The following ATXN7 variants were observed in gnomAD, a reference collection of about 807,000 sequenced individuals.
The protein encoded by ATXN7 is ataxin 7.
Under a neutral mutation model 70.5 loss-of-function variants are expected in ATXN7, and 12 were observed. The observed-to-expected ratio is 0.17, with a 90% CI of 0.11 to 0.28. ATXN7 has a LOEUF of 0.28. Ranked by LOEUF, ATXN7 falls within the 10% of genes least tolerant of loss-of-function variation. The pLI is 1.00. For missense variants in ATXN7, 1,256 were observed against 1,131.7 expected (o/e 1.11, Z -1.58); for synonymous variants, 498 against 448.7 (o/e 1.11, Z -1.39).
intron 5 of ATXN7, among the ~76,000 whole-genome samples, chr3:63,955,882 C>T (rs1467308475): frequency 6.6e-6 from 1 of 152,210 alleles, no homozygotes; most frequent in Non-Finnish European, 1.5e-5. Flanking sequence ...GCTACCAGGA[C>T]AAGAAAACAT....
intron 1 of ATXN7, among the ~76,000 whole-genome samples, chr3:63,884,239 ACATACT>A (rs1318951656): frequency 1.2e-3 from 114 of 95,462 alleles, no homozygotes; most frequent in Admixed American, 3.8e-3. Context: ...ACACACACAC[ACATACT>A]CTCACACACA....
chr3:63,964,864 A>G (rs1295268720), intron 5 of ATXN7, among the ~76,000 whole-genome samples: 2 of 152,202 alleles, frequency 1.3e-5, no homozygotes, highest in African/African-American at 4.8e-5. Context: ...GGCAGCAGGT[A>G]AGGAATGTTA....
rs1339643505 is a variant in ATXN7, at chr3:63,996,567, G to GGGTT, written c.2661+97_2661+100dup. ...TGTCAGCTCAGAAATGTGTTTGGTT[G>GGGTT]GGTTGGTTGGTTGGTTTGTAAACAG... On this transcript the variant is annotated intron_variant, in intron 12 of 12. Transcript: ENST00000674280. 3.7e-5 allele frequency: 54 copies of GGGTT among 1,452,538 alleles called. 1 individual carries two copies. Among genetic ancestry groups the GGGTT allele is most frequent in the East Asian group, 8.1e-5 (3 of 36,956 alleles). The allele number at this position is 1,452,538 out of a possible 1,614,324, so 90.0% of individuals were successfully genotyped here.
chr3:63,899,917 TA>T (rs1304428667), intron 2 of ATXN7, among the ~76,000 whole-genome samples: 1 of 151,898 alleles, frequency 6.6e-6, no homozygotes, highest in Non-Finnish European at 1.5e-5. Flanking sequence ...GCGCCCGGCC[TA>T]AAAAAAATTT....
chr3:63,957,051 G>A (rs1163256953), intron 5 of ATXN7, among the ~76,000 whole-genome samples: 1 of 152,110 alleles, frequency 6.6e-6, no homozygotes, highest in Non-Finnish European at 1.5e-5. Context: ...CTGAATGGTG[G>A]GATTAGCACA....
intron 5 of ATXN7, chr3:63,967,822 T>C (rs2075251218): frequency 6.6e-7 from 1 of 1,519,302 alleles, no homozygotes; most frequent in Non-Finnish European, 8.8e-7. Flanking sequence ...AGCCCAAACA[T>C]GGAGCATATT....
At chr3:63,953,359 G>A (rs1018873604) in intron 5 of ATXN7, among the ~76,000 whole-genome samples, 5 of 152,176 alleles carry the variant, frequency 3.3e-5, no homozygotes, top group African/African-American at 1.2e-4. Context: ...CCAGCACACA[G>A]AAGGCCCGTG....
rs773666438 is a variant in ATXN7 at position 63,995,501 on chromosome 3, T to A, written c.1683-4T>A. 5.0e-6 allele frequency: 8 copies of A among 1,613,662 alleles called. No individual in the cohort carries two copies. The highest frequency in any genetic ancestry group is 6.8e-6 in the Non-Finnish European group (8 of 1,179,632). On this transcript the variant is annotated splice_region_variant and splice_polypyrimidine_tract_variant and intron_variant, in intron 11 of 12. Coordinates refer to ENST00000674280, the MANE Select transcript of ATXN7 (RefSeq NM_001377405.1). ...GTCATTCACTGTCCTCTAATTTTTT[T>A]CAGGAAAATCCCACCAGTGCCCAGT... is the stretch of plus-strand genomic sequence containing the variant.
intron 5 of ATXN7, among the ~76,000 whole-genome samples, chr3:63,957,944 C>T (rs1171700721): frequency 6.6e-6 from 1 of 152,110 alleles, no homozygotes; most frequent in Non-Finnish European, 1.5e-5. Flanking sequence ...AAGAAGACCA[C>T]GTAAGACAAA....
intron 11 of ATXN7, among the ~76,000 whole-genome samples, chr3:63,992,971 T>C (rs1459902662): frequency 2.0e-5 from 3 of 152,190 alleles, no homozygotes; most frequent in Non-Finnish European, 4.4e-5. Context: ...AAGGAAACTT[T>C]CAAAGTGATC....
intron 2 of ATXN7, among the ~76,000 whole-genome samples, chr3:63,909,758 T>C (rs1349655996): frequency 6.6e-6 from 1 of 152,118 alleles, no homozygotes; most frequent in African/African-American, 2.4e-5. Context: ...GTGGGTAAAA[T>C]GCATTGGCTG....
At chr3:63,957,912 T>C (rs2075064826) in intron 5 of ATXN7, among the ~76,000 whole-genome samples, 1 of 152,182 alleles carries the variant, frequency 6.6e-6, no homozygotes, top group African/African-American at 2.4e-5. Flanking sequence ...AAACAGAATT[T>C]TAGAATCTCA....
chr3:63,985,317 G>A (rs1009473617), intron 8 of ATXN7, among the ~76,000 whole-genome samples: 1 of 151,960 alleles, frequency 6.6e-6, no homozygotes, highest in African/African-American at 2.4e-5. Flanking sequence ...TTCTTTAAGG[G>A]TGTCATTACT....
rs531034653 is a variant in ATXN7 at position 63,880,857 on chromosome 3, A to G, written c.-111+16699A>G. Among the ~76,000 whole-genome samples the G allele has an allele frequency of 3.2e-4, 49 of 152,352 alleles. No individual in the cohort carries two copies. In the South Asian group the frequency reaches 9.3e-3, roughly 29 times the overall value. On this transcript the variant is annotated intron_variant, in intron 1 of 12. Transcript: ENST00000674280. Reference sequence around the variant, plus strand: ...TATGGCTTTCTTTCCTACTAGAAGTAAACACCATGAGAACAGCGTTCATTG... The same window carrying G: ...TATGGCTTTCTTTCCTACTAGAAGTGAACACCATGAGAACAGCGTTCATTG...
chr3:63,968,496 GTT>G (rs1171605007), intron 5 of ATXN7: 1 of 152,382 alleles, frequency 6.6e-6, no homozygotes, highest in Non-Finnish European at 1.5e-5. Flanking sequence ...AGTTTGCAGT[GTT>G]TCCTGTAGAA....
chr3:64,002,141 A>C lies in ATXN7; in HGVS notation c.*2674A>C, dbSNP rs996966270. On this transcript the variant is annotated 3_prime_UTR_variant, in exon 13 of 13. Transcript: ENST00000674280. ...CAGAAGACATATTTTGTTAAAAATG[A>C]ATTGTACATATTTAAATATGTATTT... 6.6e-6 allele frequency: 1 copy of C among 152,618 alleles called. No homozygotes were observed. Among genetic ancestry groups the C allele is most frequent in the Admixed American group, 6.5e-5 (1 of 15,276 alleles). 9.5% of individuals were successfully genotyped at this position (152,618 alleles called of 1,614,324 possible). A position where few individuals can be genotyped will look rare whatever the true frequency, so the allele number is the denominator to read the frequency against.
intron 4 of ATXN7, 44 bp downstream of exon 4, chr3:63,913,269 A>G (rs1242074216): frequency 1.3e-6 from 2 of 1,571,664 alleles, no homozygotes; most frequent in Non-Finnish European, 1.7e-6. Flanking sequence ...ACCCCTGGGA[A>G]GTTTCATTGA....
Position 63,868,793 on chromosome 3 carries a change from T to A in ATXN7, c.-111+4635T>A, listed in dbSNP as rs184056950. ...ACTAAAATACTGCACATGTACTTTA[T>A]AGTCCATCACCCCTAAAAGTGCTTC... On this transcript the variant is annotated intron_variant, in intron 1 of 12. Coordinates refer to ENST00000674280, the MANE Select transcript of ATXN7 (RefSeq NM_001377405.1). Among the ~76,000 whole-genome samples the A allele has an allele frequency of 4.0e-3, 605 of 152,322 alleles. 4 individuals carry two copies. The highest frequency in any genetic ancestry group is 0.013 in the African/African-American group (560 of 41,562).
At chr3:63,905,064 A>G (rs1430852324) in intron 2 of ATXN7, 1 of 152,084 alleles carries the variant, frequency 6.6e-6, no homozygotes, top group Non-Finnish European at 1.5e-5. Context: ...TTCTAGTTCA[A>G]GTCCCTTATC....
Sources: allele counts gnomAD v4.1 joint callset (sites outside exome capture counted in the v4.1 genomes callset), GRCh38; gene constraint gnomAD v4.1.1; transcripts MANE v1.5; gene names NCBI Gene and HGNC (gene_info 2026-07-23, HGNC 2026-07-21).